ARHGEF4: variants seen among roughly 807,000 people sequenced by gnomAD.
ARHGEF4 encodes Rho guanine nucleotide exchange factor 4, also known as APC-stimulated guanine nucleotide exchange factor 1.
Under a neutral mutation model 162.0 loss-of-function variants are expected in ARHGEF4, and 119 were observed. The observed-to-expected ratio is 0.73, with a 90% confidence interval of 0.63 to 0.86. The LOEUF is 0.86. ARHGEF4 is among the 40% of genes least tolerant of loss of function. The probability of loss-of-function intolerance (pLI) is 0.00; values close to 1 mark genes in which losing one functional copy is unlikely to be tolerated. For synonymous variants in ARHGEF4, 1,014 were observed against 979.9 expected, an observed-to-expected ratio of 1.03 and a Z score of -0.65; for missense variants, 2,488 against 2,456.0, an observed-to-expected ratio of 1.01 and a Z score of -0.28.
chr2:130,916,164 G>T lies in ARHGEF4; in HGVS notation c.2218G>T (p.Glu740Ter), dbSNP rs771478276. ...EEPPGERLRG[E>*]SRSSGSGERG... ...GCCCCCGGGAGAGAGACTGCGTGGG[G>T]AGAGCCGGAGCTCCGGGTCAGGGGA... The change falls in exon 2 of 14, where the codon GAG becomes TAG. Residue 740 changes from glutamate (E) to a stop codon, truncating the protein, a stop_gained. Transcript: ENST00000409359. LOFTEE classifies it high-confidence loss of function. 2 of 1,548,902 alleles carry T rather than the reference G, an allele frequency of 1.3e-6. No homozygotes were observed. The highest frequency in any genetic ancestry group is 1.2e-5 in the South Asian group (1 of 84,006).
chr2:130,957,393 T>A (rs1271678273), intron 4 of ARHGEF4, among the ~76,000 whole-genome samples: 1 of 152,160 alleles, frequency 6.6e-6, no homozygotes, highest in Non-Finnish European at 1.5e-5. Flanking sequence ...TATTATATGA[T>A]TACATTTATA....
At chr2:130,967,982 G>A (rs76805414) in intron 4 of ARHGEF4, among the ~76,000 whole-genome samples, 8,519 of 152,250 alleles carry the variant, frequency 0.056, 362 homozygotes, top group Non-Finnish European at 0.081. Context: ...AGTTCCCCAA[G>A]CCTTGGTGTT....
rs1691274343 is a variant in ARHGEF4 at position 131,046,464 on chromosome 2, G to C, written c.*275G>C. On this transcript the variant is annotated 3_prime_UTR_variant, in exon 14 of 14. Coordinates refer to ENST00000409359, the MANE Select transcript of ARHGEF4 (RefSeq NM_001367493.1). The stretch of plus-strand genomic sequence containing the variant: ...CATCCGCCCTCTGGACCTGTGTAGG[G>C]CCTCACTGCTGGAGCGGGGAAACCG... 2.3e-6 allele frequency: 1 copy of C among 425,942 alleles called. No individual in the cohort carries two copies. The highest frequency in any genetic ancestry group is 4.2e-6 in the Non-Finnish European group (1 of 237,144). The allele number at this position is 425,942 out of a possible 1,614,324, so 26.4% of individuals were successfully genotyped here.
chr2:131,045,576 T>C (rs766021016), intron 13 of ARHGEF4, 130 bp downstream of exon 13: 9 of 1,599,598 alleles, frequency 5.6e-6, no homozygotes, highest in South Asian at 1.1e-5. Context: ...CCTTTGCAGC[T>C]GTTTGTTCCC....
chr2:131,034,204 T>C (rs1690063136), intron 5 of ARHGEF4, among the ~76,000 whole-genome samples: 1 of 152,158 alleles, frequency 6.6e-6, no homozygotes, highest in African/African-American at 2.4e-5. Context: ...TGCTCCAGGA[T>C]TCAAAGCACT....
At chr2:130,980,028 GTAGT>G (rs1686020977) in intron 4 of ARHGEF4, among the ~76,000 whole-genome samples, 1 of 152,270 alleles carries the variant, frequency 6.6e-6, no homozygotes, top group East Asian at 1.9e-4. Context: ...CTGTATTAAA[GTAGT>G]TAGGTTACTC....
chr2:130,869,060 T>C (rs1236151753), intron 1 of ARHGEF4, among the ~76,000 whole-genome samples: 1 of 152,188 alleles, frequency 6.6e-6, no homozygotes, highest in Admixed American at 6.5e-5. Context: ...AAGGCAACAG[T>C]CACAGGTTCT....
chr2:130,866,313 A>C (rs1258222079), intron 1 of ARHGEF4, among the ~76,000 whole-genome samples: 2 of 152,102 alleles, frequency 1.3e-5, no homozygotes, highest in Non-Finnish European at 2.9e-5. Flanking sequence ...GAACCCGGGA[A>C]GCAGAGGTTG....
chr2:130,856,735 A>G lies in ARHGEF4; in HGVS notation c.39+19743A>G, dbSNP rs1406828036. Among the ~76,000 whole-genome samples, 5 of 152,362 alleles carry G rather than the reference A, an allele frequency of 3.3e-5. No homozygotes were observed. The East Asian group carries it at 9.6e-4, about 29-fold the overall frequency. On this transcript the variant is annotated intron_variant, in intron 1 of 13. Coordinates refer to ENST00000409359, the MANE Select transcript of ARHGEF4 (RefSeq NM_001367493.1). ...GAGTTAATGGGTGCAGCACACCAAC[A>G]TGGCGCATGTATACATATGTAACTA...
chr2:130,982,564 C>A (rs535380263), intron 4 of ARHGEF4, among the ~76,000 whole-genome samples: 4 of 150,934 alleles, frequency 2.7e-5, no homozygotes, highest in African/African-American at 4.9e-5. Flanking sequence ...TTCGCCTCCT[C>A]CTCCTCCCCC....
intron 1 of ARHGEF4, among the ~76,000 whole-genome samples, chr2:130,872,842 G>A (rs1304811958): frequency 6.6e-6 from 1 of 152,222 alleles, no homozygotes; most frequent in African/African-American, 2.4e-5. Context: ...GGGGGCTGAG[G>A]TCAGGTCTCG....
rs1006337763 is a variant in ARHGEF4 at position 131,039,029 on chromosome 2, T to C, written c.4302T>C (p.Val1434=). 1 of 1,610,740 alleles carries C rather than the reference T, an allele frequency of 6.2e-7. No individual in the cohort carries two copies. Among genetic ancestry groups the C allele is most frequent in the Non-Finnish European group, 8.5e-7 (1 of 1,178,562 alleles). Residue 1434 remains valine, a synonymous_variant, in exon 6 of 14, where the codon GTT becomes GTC. Transcript: ENST00000409359. ...DGEGWFPASF[V]RLRVNQDEPA... The stretch of plus-strand genomic sequence containing the variant: ...AGGGCTGGTTTCCAGCCAGCTTCGT[T>C]CGGGTATGGTTCCAAGCCCCAGCTT...
rs368730511 is a variant in ARHGEF4, at chr2:130,857,149, A to G, written c.39+20157A>G. On this transcript the variant is annotated intron_variant, in intron 1 of 13. Transcript: ENST00000409359. ...TGGGAGGCTGAGGCAGAAGAATGGC[A>G]TGAACCCGGGAGGCGAAGCTTGCGG... Among the ~76,000 whole-genome samples the G allele has an allele frequency of 2.1e-3, 322 of 152,228 alleles. 3 individuals are homozygous for G. The highest frequency in any genetic ancestry group is 4.5e-3 in the African/African-American group (189 of 41,550).
At chr2:130,988,990 T>G (rs1174454899) in intron 4 of ARHGEF4, among the ~76,000 whole-genome samples, 4 of 151,828 alleles carry the variant, frequency 2.6e-5, no homozygotes, top group African/African-American at 9.7e-5. Flanking sequence ...AGATGGAGTT[T>G]CGCTCTTGTT....
chr2:130,863,093 C>T (rs920679668), intron 1 of ARHGEF4, among the ~76,000 whole-genome samples: 1 of 25,440 alleles, frequency 3.9e-5, no homozygotes, highest in Non-Finnish European at 5.6e-5. Flanking sequence ...AAAATCTGTA[C>T]AACTCAATAG....
intron 5 of ARHGEF4, chr2:131,035,175 C>A (rs1690158104): frequency 4.9e-6 from 6 of 1,220,846 alleles, no homozygotes; most frequent in Non-Finnish European, 6.1e-6. Flanking sequence ...ACCTGCCCCC[C>A]GGCGCCCAGC....
Position 130,914,323 on chromosome 2 carries a change from A to G in ARHGEF4, c.377A>G (p.His126Arg). The G allele has an allele frequency of 2.0e-6, 3 of 1,479,894 alleles. No homozygotes were observed. The highest frequency in any genetic ancestry group is 2.7e-6 in the Non-Finnish European group (3 of 1,119,244). 91.7% of individuals were successfully genotyped at this position (1,479,894 alleles called of 1,614,324 possible). Residue 126 changes from histidine (H) to arginine (R), a missense_variant, in exon 2 of 14, where the codon CAT (histidine) becomes CGT (arginine). Physicochemically the swap from His to Arg is conservative, Grantham distance 29. Around this residue, in one of 6 missense-constraint regions of ARHGEF4, gnomAD observed 171 missense variants for 169.4 expected, o/e 1.01. Transcript: ENST00000409359. ...CATTTGACCAGTGTTCCTGGGCTTC[A>G]TGCAAAGGAAGAACTCGATTTGTCC... ...EQHLTSVPGL[H>R]AKEELDLSPS...
chr2:131,035,965 G>T, intron 5 of ARHGEF4: 1 of 675,590 alleles, frequency 1.5e-6, no homozygotes, highest in Non-Finnish European at 1.8e-6. Flanking sequence ...TCCCTGCCCT[G>T]GGCTATTTGA....
At chr2:130,897,932 T>C (rs923647194) in intron 1 of ARHGEF4, among the ~76,000 whole-genome samples, 2 of 152,200 alleles carry the variant, frequency 1.3e-5, no homozygotes, top group Non-Finnish European at 2.9e-5. Flanking sequence ...CGACAGAAAC[T>C]ATTTTAGCTG....
Sources: gnomAD v4.1 joint callset for allele counts (sites outside exome capture counted in the v4.1 genomes callset) on GRCh38, gnomAD v4.1.1 for gene constraint, gnomAD v4.1.1 regional missense constraint, MANE v1.5 for transcripts, NCBI Gene and HGNC (gene_info 2026-07-23, HGNC 2026-07-21) for gene names.